The following STON2 variants were observed in gnomAD, a reference collection of about 807,000 sequenced individuals.
STON2 encodes stonin-2.
Under a neutral mutation model 65.7 loss-of-function variants are expected in STON2, and 29 were observed. That is an observed-to-expected ratio of 0.44 (90% confidence interval 0.33 to 0.60). STON2 has a LOEUF of 0.60. Ranked by LOEUF, STON2 falls within the 20% of genes least tolerant of loss-of-function variation. STON2 has a pLI of 0.03. For synonymous variants in STON2, 404 were observed against 414.2 expected (o/e 0.98, Z 0.30); for missense variants, 1,054 against 1,118.1 (o/e 0.94, Z 0.82).
At chr14:81,404,688 G>A (rs750331710), upstream of STON2, among the ~76,000 whole-genome samples, 46 of 152,072 alleles carry the variant, frequency 3.0e-4, no homozygotes, top group Admixed American at 1.1e-3. Context: ...AAATGTTTCC[G>A]TAGAGACAGG....
At chr14:81,359,225 T>G (rs768407558) in intron 4 of STON2, among the ~76,000 whole-genome samples, 27 of 152,232 alleles carry the variant, frequency 1.8e-4, no homozygotes, top group Admixed American at 2.6e-4. Flanking sequence ...TGGAAATCAA[T>G]CACATGGAGA....
At chr14:81,378,759 G>A (rs57016024) in intron 3 of STON2, among the ~76,000 whole-genome samples, 108 of 152,290 alleles carry the variant, frequency 7.1e-4, no homozygotes, top group African/African-American at 2.5e-3. Context: ...ATATCACCCT[G>A]TTGAGAATAC....
chr14:81,383,494 C>T (rs1358768091), intron 3 of STON2, among the ~76,000 whole-genome samples: 1 of 152,132 alleles, frequency 6.6e-6, no homozygotes, highest in Non-Finnish European at 1.5e-5. Flanking sequence ...CCTGTTATTC[C>T]CTCCAAACCA....
Position 81,357,339 on chromosome 14 carries a change from AC to A in STON2, c.571+13648del. On this transcript the variant is annotated intron_variant, in intron 4 of 7. Transcript: ENST00000614646. ...GGCCATCAGAGAAATGCAAATCAAA[AC>A]CACAATGAGAAATCATCTCACACCA... Among the ~76,000 whole-genome samples, 2 of 152,192 alleles carry A rather than the reference AC, an allele frequency of 1.3e-5. 1 individual carries two copies. The highest frequency in any genetic ancestry group is 3.8e-4 in the East Asian group (2 of 5,196).
intron 4 of STON2, among the ~76,000 whole-genome samples, chr14:81,357,835 C>T (rs1186539422): frequency 1.4e-5 from 2 of 138,724 alleles, no homozygotes; most frequent in African/African-American, 2.8e-5. Flanking sequence ...GGGAATTGAA[C>T]AATGAGAACA....
At chr14:81,395,583 G>A (rs929168116) in intron 3 of STON2, 6 of 279,738 alleles carry the variant, frequency 2.1e-5, no homozygotes, top group Non-Finnish European at 4.1e-5. Context: ...CAGTTTAGGG[G>A]CTGAGTAAAT....
chr14:81,351,964 G>A (rs1595383538), intron 4 of STON2, among the ~76,000 whole-genome samples: 2 of 152,166 alleles, frequency 1.3e-5, no homozygotes, highest in African/African-American at 4.8e-5. Flanking sequence ...GTCTCCTAAA[G>A]CCTAGGACGC....
chr14:81,294,172 A>C (rs1895671757), intron 5 of STON2, among the ~76,000 whole-genome samples: 1 of 152,210 alleles, frequency 6.6e-6, no homozygotes, highest in Admixed American at 6.5e-5. Flanking sequence ...ATCTTGTCTA[A>C]CTATTGAGCA....
intron 2 of STON2, among the ~76,000 whole-genome samples, chr14:81,418,852 G>A (rs984155408): frequency 2.6e-5 from 4 of 152,164 alleles, no homozygotes; most frequent in East Asian, 1.9e-4. Flanking sequence ...CTCAAGCCCC[G>A]TGTGGTTCTC....
rs1894107860 is a variant in STON2 at position 81,260,773 on chromosome 14, C to A, written c.*7641G>T. 1 of 150,698 alleles carries A rather than the reference C, an allele frequency of 6.6e-6. No individual in the cohort carries two copies. The allele number at this position is 150,698 out of a possible 1,614,324, so 9.3% of individuals were successfully genotyped here. On this transcript the variant is annotated 3_prime_UTR_variant, in exon 8 of 8. Coordinates refer to ENST00000614646, the MANE Select transcript of STON2 (RefSeq NM_001394390.1). ...GATAGCCAGTGTGTAGACTTTATTA[C>A]ATAGGCACATATTAAAAAAAAAAAA...
chr14:81,420,467 G>C (rs1901651602), intron 2 of STON2, among the ~76,000 whole-genome samples: 1 of 152,136 alleles, frequency 6.6e-6, no homozygotes, highest in African/African-American at 2.4e-5. Flanking sequence ...CCTATTGCTA[G>C]GGATGTTCTT....
intron 3 of STON2, among the ~76,000 whole-genome samples, chr14:81,375,462 G>A (rs962288302): frequency 6.6e-6 from 1 of 151,916 alleles, no homozygotes; most frequent in Admixed American, 6.6e-5. Context: ...ACAACAAAAT[G>A]ATAAAAAGTA....
chr14:81,373,189 C>G (rs1899082811), intron 3 of STON2, among the ~76,000 whole-genome samples: 1 of 152,108 alleles, frequency 6.6e-6, no homozygotes, highest in Non-Finnish European at 1.5e-5. Context: ...TGGAATAGTG[C>G]CTGGTATAAG....
chr14:81,314,540 A>C (rs1896551372), intron 5 of STON2, among the ~76,000 whole-genome samples: 1 of 152,254 alleles, frequency 6.6e-6, no homozygotes, highest in Admixed American at 6.5e-5. Context: ...AACAAGATGT[A>C]GATGTCATCA....
intron 2 of STON2, among the ~76,000 whole-genome samples, chr14:81,426,723 T>G (rs1239262729): frequency 4.6e-5 from 7 of 152,206 alleles, no homozygotes; most frequent in African/African-American, 1.7e-4. Flanking sequence ...CTGACACAGT[T>G]TCTCTCATGT....
At chr14:81,272,683 TA>T (rs1362874189) in intron 6 of STON2, among the ~76,000 whole-genome samples, 4 of 152,228 alleles carry the variant, frequency 2.6e-5, no homozygotes, top group African/African-American at 9.6e-5. Context: ...TTAAGATACA[TA>T]TAACAGTAAA....
At chr14:81,273,528 G>A (rs1180199317) in intron 6 of STON2, among the ~76,000 whole-genome samples, 1 of 152,168 alleles carries the variant, frequency 6.6e-6, no homozygotes, top group Admixed American at 6.5e-5. Flanking sequence ...GACTTGTTTC[G>A]GTGCCTTCTA....
intron 4 of STON2, among the ~76,000 whole-genome samples, chr14:81,365,526 T>A (rs1898682111): frequency 6.6e-6 from 1 of 151,998 alleles, no homozygotes; most frequent in Non-Finnish European, 1.5e-5. Flanking sequence ...GAGGCCGAGG[T>A]GGGCAGATCA....
intron 6 of STON2, among the ~76,000 whole-genome samples, chr14:81,275,053 T>A (rs1237306122): frequency 6.6e-6 from 1 of 151,644 alleles, no homozygotes; most frequent in Admixed American, 6.6e-5. Flanking sequence ...CTTCTCTTGA[T>A]CAGTCTTTTC....
Sources: allele counts gnomAD v4.1 joint callset (sites outside exome capture counted in the v4.1 genomes callset), GRCh38; gene constraint gnomAD v4.1.1; transcripts MANE v1.5; gene names NCBI Gene and HGNC (gene_info 2026-07-23, HGNC 2026-07-21).